The following VIPR1 variants were observed in gnomAD, a reference collection of about 807,000 sequenced individuals.
VIPR1 encodes vasoactive intestinal peptide receptor 1, also known as vasoactive intestinal polypeptide receptor 1.
Under a neutral mutation model 58.8 loss-of-function variants are expected in VIPR1, and 59 were observed. The observed-to-expected ratio is 1.00, with a 90% CI of 0.81 to 1.25. The LOEUF (loss-of-function observed/expected upper bound fraction) is 1.25. VIPR1 is among the 50% of genes most tolerant of loss of function. The pLI is 0.00. For missense variants in VIPR1, 626 were observed against 602.7 expected, an observed-to-expected ratio of 1.04 and a Z score of -0.40; for synonymous variants, 251 against 242.1, an observed-to-expected ratio of 1.04 and a Z score of -0.34.
chr3:42,521,381 G>T (rs1463165929), intron 3 of VIPR1: 3 of 152,184 alleles, frequency 2.0e-5, no homozygotes, highest in Admixed American at 6.5e-5. Flanking sequence ...CTCTGAAAAT[G>T]GTGGAGAGAA....
intron 3 of VIPR1, among the ~76,000 whole-genome samples, chr3:42,522,792 G>C (rs1701019822): frequency 6.6e-6 from 1 of 152,192 alleles, no homozygotes; most frequent in South Asian, 2.1e-4. Flanking sequence ...TGACTGATGG[G>C]GGAGAGGAGG....
chr3:42,534,282 C>G (rs569770389), intron 10 of VIPR1: 1 of 152,206 alleles, frequency 6.6e-6, no homozygotes, highest in Non-Finnish European at 1.5e-5. Flanking sequence ...CAGGTATGAA[C>G]TTGGGTCCCC....
intron 1 of VIPR1, among the ~76,000 whole-genome samples, chr3:42,494,725 T>C (rs866888458): frequency 2.6e-5 from 4 of 152,362 alleles, no homozygotes; most frequent in Admixed American, 1.3e-4. Flanking sequence ...CATTGTTTTC[T>C]GTTTTTATAG....
intron 10 of VIPR1, chr3:42,534,614 G>A: frequency 5.8e-6 from 1 of 173,546 alleles, no homozygotes; most frequent in Non-Finnish European, 1.2e-5. Flanking sequence ...AGACCAGGGG[G>A]CCCAGGCAAC....
In VIPR1 at chr3:42,536,622, C is replaced by G. The variant is rs1434134795; in HGVS notation, c.*341C>G. On this transcript the variant is annotated 3_prime_UTR_variant, in exon 13 of 13. Coordinates refer to ENST00000325123, the MANE Select transcript of VIPR1 (RefSeq NM_004624.4). ...CTCTGCCCCCTGCTGGCTCTTCTGC[C>G]CAATTGGAGGAAAGCAACCGGTGGA... 1 of 224,798 alleles carries G rather than the reference C, an allele frequency of 4.4e-6. No individual in the cohort carries two copies. Among genetic ancestry groups the G allele is most frequent in the Non-Finnish European group, 8.6e-6 (1 of 116,358 alleles). The allele number at this position is 224,798 out of a possible 1,614,324, so 13.9% of individuals were successfully genotyped here.
upstream of VIPR1, among the ~76,000 whole-genome samples, chr3:42,499,462 C>T (rs1267343228): frequency 6.6e-6 from 1 of 152,212 alleles, no homozygotes; most frequent in East Asian, 1.9e-4. Flanking sequence ...CTCTCTTTCC[C>T]GCCACCTCCC....
Position 42,502,905 on chromosome 3 carries a change from G to A in VIPR1, c.78+92G>A, listed in dbSNP as rs981721189. The stretch of plus-strand genomic sequence containing the variant: ...GGATGGCGGGAGCCGGGCCGTCTGT[G>A]CGCGTGTCTGTGTAAGAGGAATAGG... On this transcript the variant is annotated intron_variant, in intron 1 of 12. Transcript: ENST00000325123. 10 of 1,012,652 alleles carry A rather than the reference G, an allele frequency of 9.9e-6. No homozygotes were observed. In the African/African-American group the frequency reaches 1.5e-4, roughly 15 times the overall value. 62.7% of individuals were successfully genotyped at this position (1,012,652 alleles called of 1,614,324 possible). A position where few individuals can be genotyped will look rare whatever the true frequency, so the allele number is the denominator to read the frequency against.
Position 42,502,831 on chromosome 3 carries a change from C to T in VIPR1, c.78+18C>T, listed in dbSNP as rs529298769. 47 of 1,251,384 alleles carry T rather than the reference C, an allele frequency of 3.8e-5. No homozygotes were observed. Among genetic ancestry groups the T allele is most frequent in the Non-Finnish European group, 4.6e-5 (46 of 997,734 alleles). The allele number at this position is 1,251,384 out of a possible 1,614,324, so 77.5% of individuals were successfully genotyped here. On this transcript the variant is annotated intron_variant, in intron 1 of 12. Transcript: ENST00000325123. ...GGCCGGCGGTGAGTGTTCGCCCGGC[C>T]GCCCAGAGTCCCGGCAGCCTGGGGG...
chr3:42,522,273 A>G (rs1159418969), intron 3 of VIPR1, among the ~76,000 whole-genome samples: 1 of 150,160 alleles, frequency 6.7e-6, no homozygotes, highest in South Asian at 2.1e-4. Context: ...CACCACACCT[A>G]ATTTTTTGTA....
chr3:42,494,579 T>TGA (rs1699724860), intron 1 of VIPR1, among the ~76,000 whole-genome samples: 1 of 152,236 alleles, frequency 6.6e-6, no homozygotes, highest in Non-Finnish European at 1.5e-5. Context: ...ATATACTCTA[T>TGA]TCTTGGAACT....
upstream of VIPR1, among the ~76,000 whole-genome samples, chr3:42,499,068 T>C (rs1699819008): frequency 6.6e-6 from 1 of 152,148 alleles, no homozygotes; most frequent in Admixed American, 6.5e-5. Context: ...TGTAGGTCCC[T>C]TCAACTCAGA....
Position 42,537,075 on chromosome 3 carries a change from C to T in VIPR1, c.*794C>T, listed in dbSNP as rs1368648549. 3.9e-5 allele frequency: 6 copies of T among 152,318 alleles called. No individual in the cohort carries two copies. The highest frequency in any genetic ancestry group is 3.3e-4 in the Admixed American group (5 of 15,298). 9.4% of individuals were successfully genotyped at this position (152,318 alleles called of 1,614,324 possible). On this transcript the variant is annotated 3_prime_UTR_variant, in exon 13 of 13. Coordinates refer to ENST00000325123, the MANE Select transcript of VIPR1 (RefSeq NM_004624.4). ...GCTTCATCTGTCAAGTGGGATCTGTCACACCAGCCATACTTATCTCTCTGT... is the reference window on the plus strand; with the variant it reads ...GCTTCATCTGTCAAGTGGGATCTGTTACACCAGCCATACTTATCTCTCTGT...
upstream of VIPR1, chr3:42,500,370 G>A (rs906817317): frequency 1.3e-5 from 2 of 152,242 alleles, no homozygotes; most frequent in African/African-American, 4.8e-5. Context: ...GCAAAGTGAG[G>A]TCTGCCTCTC....
chr3:42,530,708 A>G, intron 6 of VIPR1, 71 bp from the exon 7 acceptor site: 1 of 1,551,176 alleles, frequency 6.4e-7, no homozygotes, highest in Non-Finnish European at 8.8e-7. Flanking sequence ...TTGTCCCCCC[A>G]GACACGAGTG....
At chr3:42,510,496 T>C (rs1254165499) in intron 1 of VIPR1, among the ~76,000 whole-genome samples, 4 of 152,116 alleles carry the variant, frequency 2.6e-5, no homozygotes, top group Admixed American at 6.5e-5. Flanking sequence ...AATTCCTTAG[T>C]GATAAGGACT....
intron 1 of VIPR1, among the ~76,000 whole-genome samples, chr3:42,493,572 G>A (rs547088169): frequency 6.6e-6 from 1 of 152,266 alleles, no homozygotes; most frequent in African/African-American, 2.4e-5. Flanking sequence ...ACCTAACTCA[G>A]ATCTCTTGCT....
intron 6 of VIPR1, 124 bp downstream of exon 6, chr3:42,528,247 A>C (rs1434605025): frequency 1.2e-5 from 15 of 1,218,512 alleles, no homozygotes; most frequent in Middle Eastern, 2.9e-4. Flanking sequence ...CCACCCCTCA[A>C]TCCAAGGATA....
chr3:42,534,831 T>C (rs1201445977), intron 10 of VIPR1, 144 bp from the exon 11 acceptor site: 19 of 1,080,856 alleles, frequency 1.8e-5, no homozygotes, highest in Non-Finnish European at 2.5e-5. Context: ...AAGGGCATAA[T>C]ATTCAGAGGA....
intron 3 of VIPR1, chr3:42,521,573 G>A (rs1264307088): frequency 1.3e-5 from 2 of 152,126 alleles, no homozygotes; most frequent in African/African-American, 4.8e-5. Context: ...TCCACGGGAA[G>A]GGACCTGGTT....
Sources: allele counts gnomAD v4.1 joint callset (sites outside exome capture counted in the v4.1 genomes callset), GRCh38; gene constraint gnomAD v4.1.1; transcripts MANE v1.5; gene names NCBI Gene and HGNC (gene_info 2026-07-23, HGNC 2026-07-21).